Variants in CDKN2B-AS1 observed in about 807,000 individuals in gnomAD.
The protein encoded by CDKN2B-AS1 is CDKN2B and CDKN2A antisense cis and trans regulatory RNA 1, also known as CDKN2B antisense RNA 1 (non-protein coding).
At chr9:22,027,891 A>C (rs1822306704) in intron 1 of CDKN2B-AS1, among the ~76,000 whole-genome samples, 1 of 152,336 alleles carries the variant, frequency 6.6e-6, no homozygotes, top group Non-Finnish European at 1.5e-5. Flanking sequence ...AAAAGAGGCT[A>C]TATTTTATTG....
chr9:22,112,918 C>G (rs1172959321), intron 4 of CDKN2B-AS1, among the ~76,000 whole-genome samples: 1 of 152,104 alleles, frequency 6.6e-6, no homozygotes, highest in Non-Finnish European at 1.5e-5. Flanking sequence ...TAGACAAAGT[C>G]ACATCGGCAA....
At chr9:22,089,830 C>A (rs1163871450) in intron 4 of CDKN2B-AS1, among the ~76,000 whole-genome samples, 3 of 151,716 alleles carry the variant, frequency 2.0e-5, no homozygotes, top group African/African-American at 4.8e-5. Context: ...TTACTAAATT[C>A]TTTTTTTTAA....
At chr9:22,109,634 A>G (rs1825752268) in intron 4 of CDKN2B-AS1, among the ~76,000 whole-genome samples, 1 of 152,186 alleles carries the variant, frequency 6.6e-6, no homozygotes, top group South Asian at 2.1e-4. Context: ...GATGGAGGTA[A>G]GAGTGTGATA....
At chr9:22,004,077 A>AC in intron 1 of CDKN2B-AS1, 1 of 232,680 alleles carries the variant, frequency 4.3e-6, no homozygotes, top group East Asian at 6.1e-5. Context: ...CATCTGGGAA[A>AC]CAATACCTAT....
In CDKN2B-AS1 at chr9:22,039,488, G is replaced by A. The variant is rs1208884780; in HGVS notation, n.30-7263G>A. 6.6e-6 allele frequency among the ~76,000 whole-genome samples: 1 copy of A among 151,986 alleles called. No individual in the cohort carries two copies. Among genetic ancestry groups the A allele is most frequent in the Non-Finnish European group, 1.5e-5 (1 of 67,956 alleles). On this transcript the variant is annotated intron_variant and non_coding_transcript_variant, in intron 1 of 4. Coordinates refer to ENST00000650946, the Ensembl canonical transcript of CDKN2B-AS1. The surrounding 1 kb of genome is among the most constrained non-coding windows in gnomAD (Gnocchi z 4.4). ...GTTTACTCTGTGTTTTAACATCTGT[G>A]TGGATAGCATTGTTGTTGTAATATT...
chr9:22,128,011 A>T (rs532429918), exon 5 of CDKN2B-AS1, among the ~76,000 whole-genome samples: 1 of 152,220 alleles, frequency 6.6e-6, no homozygotes, highest in African/African-American at 2.4e-5. Context: ...CATTCCGCTC[A>T]TCTGGAAAAT....
chr9:22,008,717 C>CTAGG, intron 1 of CDKN2B-AS1: 3 of 1,611,710 alleles, frequency 1.9e-6, no homozygotes, highest in Non-Finnish European at 2.5e-6. Flanking sequence ...CATCGGCGAT[C>CTAGG]TAGGTTCCAG....
chr9:22,006,324 A>T lies in CDKN2B-AS1; in HGVS notation n.29+11163A>T, dbSNP rs1291469198. On this transcript the variant is annotated intron_variant and non_coding_transcript_variant, in intron 1 of 4. Coordinates refer to ENST00000650946, the Ensembl canonical transcript of CDKN2B-AS1. The surrounding 1 kb of genome is among the most constrained non-coding windows in gnomAD (Gnocchi z 6.4). ...ATGCCGGCCGGGGCAAGGCAGGTGG[A>T]GCCATTTAAAGAAACACCTAATTGC... 1 of 1,577,848 alleles carries T rather than the reference A, an allele frequency of 6.3e-7. No individual in the cohort carries two copies. The highest frequency in any genetic ancestry group is 8.6e-7 in the Non-Finnish European group (1 of 1,166,998).
chr9:22,015,668 AG>A (rs1299138340), intron 1 of CDKN2B-AS1, among the ~76,000 whole-genome samples: 1 of 151,990 alleles, frequency 6.6e-6, no homozygotes, highest in African/African-American at 2.4e-5. Context: ...TTTAAGTTTT[AG>A]GGTACATGTG....
chr9:22,041,421 A>G (rs1263398612), intron 1 of CDKN2B-AS1, among the ~76,000 whole-genome samples: 1 of 152,090 alleles, frequency 6.6e-6, no homozygotes, highest in Non-Finnish European at 1.5e-5. Flanking sequence ...TAGCTTATTT[A>G]TGGAGAAGAC....
At chr9:22,123,889 G>A (rs1563995624) in intron 4 of CDKN2B-AS1, among the ~76,000 whole-genome samples, 2 of 152,200 alleles carry the variant, frequency 1.3e-5, no homozygotes, top group Non-Finnish European at 2.9e-5. Flanking sequence ...TTGCAATTAT[G>A]TAGCTCTTGT....
In CDKN2B-AS1 at chr9:22,088,215, G is replaced by A. The variant is rs141441217; in HGVS notation, n.438+31828G>A. ...CCTGAGGAGAAGAGAAGGGCTTAAAGAGCAATCAGCCTTCGATTGCTGGGA... is the reference window on the plus strand; with the variant it reads ...CCTGAGGAGAAGAGAAGGGCTTAAAAAGCAATCAGCCTTCGATTGCTGGGA... On this transcript the variant is annotated intron_variant and non_coding_transcript_variant, in intron 4 of 4. Transcript: ENST00000650946. Among the ~76,000 whole-genome samples, 39 of 152,306 alleles carry A rather than the reference G, an allele frequency of 2.6e-4. 1 individual carries two copies. The East Asian group carries it at 7.5e-3, about 29-fold the overall frequency.
At chr9:22,057,391 C>T (rs10121501) in intron 4 of CDKN2B-AS1, among the ~76,000 whole-genome samples, 2 of 151,892 alleles carry the variant, frequency 1.3e-5, no homozygotes, top group East Asian at 1.9e-4. Context: ...TTCCAAAGCT[C>T]GTATTTTTAA....
chr9:22,030,415 T>C (rs756441605), intron 1 of CDKN2B-AS1: 3 of 152,190 alleles, frequency 2.0e-5, no homozygotes, highest in Non-Finnish European at 2.9e-5. Context: ...TCTATTTAGT[T>C]TGTACTTCCT....
intron 4 of CDKN2B-AS1, among the ~76,000 whole-genome samples, chr9:22,089,387 T>C (rs1052833323): frequency 6.6e-6 from 1 of 152,210 alleles, no homozygotes; most frequent in Admixed American, 6.5e-5. Flanking sequence ...ATGTTCATTA[T>C]CTTCAAGTGA....
At chr9:22,103,376 A>G (rs1368929725) in intron 4 of CDKN2B-AS1, among the ~76,000 whole-genome samples, 1 of 152,142 alleles carries the variant, frequency 6.6e-6, no homozygotes, top group African/African-American at 2.4e-5. Flanking sequence ...GAGGTTGGTC[A>G]GAGGCTAACC....
intron 1 of CDKN2B-AS1, among the ~76,000 whole-genome samples, chr9:22,011,157 C>T (rs193204853): frequency 6.6e-6 from 1 of 152,316 alleles, no homozygotes; most frequent in African/African-American, 2.4e-5. Flanking sequence ...TAACCAGCTC[C>T]AGACAGAATT....
Position 22,093,584 on chromosome 9 carries a change from T to C in CDKN2B-AS1, n.439-33519T>C, listed in dbSNP as rs549271825. Among the ~76,000 whole-genome samples the C allele has an allele frequency of 4.1e-3, 546 of 133,062 alleles. 74 individuals are homozygous for C. Among genetic ancestry groups the C allele is most frequent in the African/African-American group, 0.018 (514 of 28,990 alleles). The allele number at this position is 133,062 out of a possible 152,430, so 87.3% of individuals were successfully genotyped here. On this transcript the variant is annotated intron_variant and non_coding_transcript_variant, in intron 4 of 4. Transcript: ENST00000650946. ...CTTACCATTATGTAATGGCCTTCTT[T>C]GTCTCTTTTGATTTTGTTGGTTTAA...
intron 3 of CDKN2B-AS1, among the ~76,000 whole-genome samples, chr9:22,055,100 G>A (rs1239309028): frequency 6.6e-6 from 1 of 152,138 alleles, no homozygotes; most frequent in Non-Finnish European, 1.5e-5. Flanking sequence ...TTTATCAGAT[G>A]CCTCTGCCAC....
Sources: allele counts gnomAD v4.1 joint callset (sites outside exome capture counted in the v4.1 genomes callset), GRCh38; gene constraint gnomAD v4.1.1; non-coding constraint Gnocchi (gnomAD v3.1); transcripts MANE v1.5; gene names NCBI Gene and HGNC (gene_info 2026-07-23, HGNC 2026-07-21).